Variants in PXMP2 observed in about 807,000 individuals in gnomAD.
PXMP2 encodes the protein peroxisomal membrane protein 2, also known as 22 kDa peroxisomal membrane protein.
PXMP2 carries 13 observed loss-of-function variants against 20.2 expected under a neutral mutation model. That is an observed-to-expected ratio of 0.64 (90% CI 0.42 to 1.02). PXMP2 has a LOEUF of 1.02. PXMP2 is among the 50% of genes least tolerant of loss of function. PXMP2 has a pLI of 0.00. For missense variants in PXMP2, 284 were observed against 251.8 expected, an observed-to-expected ratio of 1.13 and a Z score of -0.87; for synonymous variants, 113 against 111.2, an observed-to-expected ratio of 1.02 and a Z score of -0.10.
At chr12:132,688,683 G>C (rs1166025934) in intron 1 of PXMP2, among the ~76,000 whole-genome samples, 2 of 19,338 alleles carry the variant, frequency 1.0e-4, no homozygotes, top group Admixed American at 4.4e-4. Context: ...GTGAAGACAG[G>C]GCGAGGGGAG....
rs769760550 is a variant in PXMP2 at position 132,690,295 on chromosome 12, C to A, written c.155C>A (p.Ala52Asp). 1.2e-6 allele frequency: 2 copies of A among 1,614,008 alleles called. No individual in the cohort carries two copies. The highest frequency in any genetic ancestry group is 1.7e-5 in the Admixed American group (1 of 60,000). The change falls in exon 2 of 5, where the codon GCC becomes GAC. Residue 52 changes from alanine (A) to aspartate (D), a missense_variant. Coordinates refer to ENST00000317479, the MANE Select transcript of PXMP2 (RefSeq NM_018663.3). ...TTGTCAGCACTTGGGAACTTCCTGG[C>A]CCAGATGATTGAGAAGAAGCGGAAA... ...GILSALGNFL[A>D]QMIEKKRKKE...
At chr12:132,700,608 T>G (rs1234942510) in intron 3 of PXMP2, among the ~76,000 whole-genome samples, 2 of 152,238 alleles carry the variant, frequency 1.3e-5, no homozygotes, top group Non-Finnish European at 2.9e-5. Context: ...ATGCATATAT[T>G]TTTTCCCAGG....
intron 3 of PXMP2, among the ~76,000 whole-genome samples, chr12:132,698,876 C>G (rs2043423961): frequency 6.6e-6 from 1 of 152,174 alleles, no homozygotes; most frequent in South Asian, 2.1e-4. Context: ...ATATGCCCAC[C>G]TTGGCATTAC....
intron 1 of PXMP2, among the ~76,000 whole-genome samples, chr12:132,689,701 T>C (rs1320457135): frequency 6.6e-6 from 1 of 152,212 alleles, no homozygotes; most frequent in Non-Finnish European, 1.5e-5. Flanking sequence ...AAATTTTTAT[T>C]GTGATAATTG....
At chr12:132,689,153 C>T (rs1277779075) in intron 1 of PXMP2, among the ~76,000 whole-genome samples, 57 of 120,142 alleles carry the variant, frequency 4.7e-4, no homozygotes, top group African/African-American at 1.8e-3. Flanking sequence ...GAAGACAGGG[C>T]GAGGGGAGCG....
intron 2 of PXMP2, among the ~76,000 whole-genome samples, chr12:132,693,348 T>TA (rs1407892886): frequency 4.7e-5 from 1 of 21,474 alleles, no homozygotes; most frequent in Non-Finnish European, 1.2e-4. Flanking sequence ...CCTTGCCAGT[T>TA]AGTTAGTGAG....
chr12:132,703,238 G>C (rs2043452423), intron 4 of PXMP2, among the ~76,000 whole-genome samples: 1 of 152,202 alleles, frequency 6.6e-6, no homozygotes, highest in South Asian at 2.1e-4. Flanking sequence ...TTTGAGACCA[G>C]TCTGGGCAAC....
rs184282197 is a variant in PXMP2 at position 132,704,866 on chromosome 12, A to G, written c.*179A>G. Reference sequence around the variant, plus strand: ...TGAATGTCAGAACCCTGTCTTTTAAAAAGGCAGTCGCTGCCTTCAGGTGGT... The same window carrying G: ...TGAATGTCAGAACCCTGTCTTTTAAGAAGGCAGTCGCTGCCTTCAGGTGGT... On this transcript the variant is annotated 3_prime_UTR_variant, in exon 5 of 5. Coordinates refer to ENST00000317479, the MANE Select transcript of PXMP2 (RefSeq NM_018663.3). 147 of 680,104 alleles carry G rather than the reference A, an allele frequency of 2.2e-4. 2 individuals carry two copies. In the East Asian group the frequency reaches 4.3e-3, roughly 20 times the overall value. 42.1% of individuals were successfully genotyped at this position (680,104 alleles called of 1,614,324 possible). A position where few individuals can be genotyped will look rare whatever the true frequency, so the allele number is the denominator to read the frequency against.
rs766862470 is a variant in PXMP2, at chr12:132,690,352, G to T, written c.212G>T (p.Gly71Val). The T allele has an allele frequency of 2.5e-6, 4 of 1,613,784 alleles. No individual in the cohort carries two copies. The African/African-American group carries it at 5.3e-5, about 22-fold the overall frequency. Residue 71 changes from glycine (G) to valine (V), a missense_variant, in exon 2 of 5, where the codon GGG becomes GTG. Physicochemically the swap from Gly to Val is moderately radical, Grantham distance 109. Coordinates refer to ENST00000317479, the MANE Select transcript of PXMP2 (RefSeq NM_018663.3). ...KENSRSLDVG[G>V]PLRYAVYGFF... is the part of the protein sequence containing the mutation. ...AACTCTAGAAGTCTGGATGTCGGTG[G>T]GCCTCTGAGATATGCCGTTTACGGG...
intron 3 of PXMP2, among the ~76,000 whole-genome samples, chr12:132,700,643 C>T (rs2043433905): frequency 6.6e-6 from 1 of 152,058 alleles, no homozygotes; most frequent in Admixed American, 6.6e-5. Context: ...TTGATTGTTT[C>T]TTTTGCTGTG....
At chr12:132,701,480 T>C in intron 4 of PXMP2, 111 bp downstream of exon 4, 2 of 1,397,016 alleles carry the variant, frequency 1.4e-6, no homozygotes, top group Non-Finnish European at 1.9e-6. Flanking sequence ...TCTCTTCTCT[T>C]CTTTCTTTGG....
intron 2 of PXMP2, among the ~76,000 whole-genome samples, chr12:132,692,712 A>G (rs61952127): frequency 0.13 from 6,037 of 46,206 alleles, 190 homozygotes; most frequent in Non-Finnish European, 0.17. Context: ...GTTAGTGAGC[A>G]CCCTTGCCAG....
chr12:132,701,926 C>A (rs752149651), intron 4 of PXMP2, among the ~76,000 whole-genome samples: 1 of 152,194 alleles, frequency 6.6e-6, no homozygotes, highest in East Asian at 1.9e-4. Flanking sequence ...CCCATCTCTA[C>A]TAAAAATACA....
chr12:132,693,775 G>T (rs1489857295), intron 2 of PXMP2, among the ~76,000 whole-genome samples: 238 of 93,872 alleles, frequency 2.5e-3, no homozygotes, highest in Admixed American at 5.4e-3. Context: ...GTTAGTGAGC[G>T]CCCTTGCCAG....
chr12:132,695,895 C>G lies in PXMP2; in HGVS notation c.248C>G (p.Thr83Arg), dbSNP rs754992250. ...CCTGGGGGCCTCAGGTTCTTCTTCA[C>G]AGGGCCGCTGAGTCACTTCTTCTAC... ...LRYAVYGFFF[T>R]GPLSHFFYFF... The change falls in exon 3 of 5, where the codon ACA (threonine) becomes AGA (arginine). Residue 83 changes from threonine to arginine, a missense_variant. Transcript: ENST00000317479. 2 of 1,605,600 alleles carry G rather than the reference C, an allele frequency of 1.2e-6. No individual in the cohort carries two copies. Among genetic ancestry groups the G allele is most frequent in the African/African-American group, 2.7e-5 (2 of 74,716 alleles).
chr12:132,695,826 C>A, intron 2 of PXMP2, 58 bp from the exon 3 acceptor site: 1 of 1,531,732 alleles, frequency 6.5e-7, no homozygotes, highest in Non-Finnish European at 8.8e-7. Context: ...TGAAGCTAGA[C>A]CAGAGAAGAG....
intron 4 of PXMP2, among the ~76,000 whole-genome samples, chr12:132,701,982 C>A (rs1310628543): frequency 2.0e-5 from 3 of 152,196 alleles, no homozygotes; most frequent in Non-Finnish European, 4.4e-5. Context: ...CCCAGCTACT[C>A]AGGTGGCTGA....
At chr12:132,699,254 A>C (rs1351916615) in intron 3 of PXMP2, among the ~76,000 whole-genome samples, 3 of 152,040 alleles carry the variant, frequency 2.0e-5, no homozygotes, top group African/African-American at 4.8e-5. Flanking sequence ...CCTTCTCTAC[A>C]AAAAAATTAA....
At chr12:132,694,892 CCAGT>C (rs200393412) in intron 2 of PXMP2, among the ~76,000 whole-genome samples, 7 of 140,788 alleles carry the variant, frequency 5.0e-5, no homozygotes, top group East Asian at 2.1e-4. Flanking sequence ...AGCGCCCTTG[CCAGT>C]CAGTTAGTGA....
Sources: allele counts gnomAD v4.1 joint callset (sites outside exome capture counted in the v4.1 genomes callset), GRCh38; gene constraint gnomAD v4.1.1; transcripts MANE v1.5; gene names NCBI Gene and HGNC (gene_info 2026-07-23, HGNC 2026-07-21).